CUX1: variants seen among roughly 807,000 people sequenced by gnomAD.
The protein encoded by CUX1 is protein CASP.
Under a neutral mutation model 158.8 loss-of-function variants are expected in CUX1, and 31 were observed. The ratio of observed to expected loss-of-function variants is 0.20; its 90% CI spans 0.15 to 0.26. CUX1 has a LOEUF of 0.26. Ranked by LOEUF, CUX1 falls within the 10% of genes least tolerant of loss-of-function variation. The probability of loss-of-function intolerance (pLI) is 1.00; values close to 1 mark genes in which losing one functional copy is unlikely to be tolerated. For missense variants in CUX1, 1,589 were observed against 2,014.6 expected, an observed-to-expected ratio of 0.79 and a Z score of 4.04; for synonymous variants, 879 against 862.1, an observed-to-expected ratio of 1.02 and a Z score of -0.34.
chr7:102,170,603 CGA>C (rs1791604268), intron 10 of CUX1, 53 bp downstream of exon 10: 3 of 1,218,988 alleles, frequency 2.5e-6, no homozygotes, highest in Non-Finnish European at 3.5e-6. Context: ...TCCGCACCTT[CGA>C]GTTACAGCCG....
intron 2 of CUX1, among the ~76,000 whole-genome samples, chr7:101,978,503 CCCA>C (rs964962901): frequency 6.6e-6 from 1 of 152,268 alleles, no homozygotes; most frequent in Non-Finnish European, 1.5e-5. Context: ...TCATGGCCAC[CCCA>C]CCACCACTTC....
rs538905406 is a variant in CUX1, at chr7:102,191,884, C to A, written c.1077-1958C>A. Among the ~76,000 whole-genome samples the A allele has an allele frequency of 3.3e-5, 5 of 152,110 alleles. No homozygotes were observed. In the East Asian group the frequency reaches 9.7e-4, roughly 29 times the overall value. ...CCAGGCTCCAGCCTGCAACACATAC[C>A]GTTCTACTCCCTCTCATCCACAGCC... On this transcript the variant is annotated intron_variant, in intron 12 of 23. Transcript: ENST00000292535.
intron 21 of CUX1, among the ~76,000 whole-genome samples, chr7:102,231,714 CTTT>C (rs1262074153): frequency 2.9e-5 from 4 of 138,812 alleles, no homozygotes; most frequent in Admixed American, 1.5e-4. Flanking sequence ...AAAATTTTCT[CTTT>C]TTTTTTTTTT....
At chr7:102,097,302 C>A (rs1554484510) in intron 4 of CUX1, 62 bp from the exon 5 acceptor site, 2 of 1,547,198 alleles carry the variant, frequency 1.3e-6, no homozygotes, top group Non-Finnish European at 1.7e-6. Context: ...AGCCTGTGTA[C>A]CGCCGTGGAG....
chr7:102,251,765 A>G lies in CUX1; in HGVS notation c.*2723A>G, dbSNP rs868968172. The G allele has an allele frequency of 1.0e-5, 10 of 985,298 alleles. No homozygotes were observed. The highest frequency in any genetic ancestry group is 4.7e-5 in the South Asian group (1 of 21,292). 61.0% of individuals were successfully genotyped at this position (985,298 alleles called of 1,614,324 possible). On this transcript the variant is annotated 3_prime_UTR_variant, in exon 24 of 24. Coordinates refer to ENST00000292535, the MANE Select transcript of CUX1 (RefSeq NM_181552.4). ...CATCATGTGTGATGAATCTTTAAATATCGTCTAATTTTCATAAGAATGAAA... is the reference window on the plus strand; with the variant it reads ...CATCATGTGTGATGAATCTTTAAATGTCGTCTAATTTTCATAAGAATGAAA...
intron 22 of CUX1, among the ~76,000 whole-genome samples, chr7:102,237,989 T>C (rs1799764523): frequency 6.6e-6 from 1 of 152,108 alleles, no homozygotes; most frequent in Non-Finnish European, 1.5e-5. Context: ...ATTAGAGACT[T>C]TTAGTACTTT....
At chr7:102,047,839 G>A (rs758089816) in intron 3 of CUX1, among the ~76,000 whole-genome samples, 5 of 152,100 alleles carry the variant, frequency 3.3e-5, no homozygotes, top group Admixed American at 6.6e-5. Flanking sequence ...TAATGCAGTC[G>A]TTCTTTAAAT....
At chr7:101,930,782 C>T (rs2129116687) in intron 2 of CUX1, among the ~76,000 whole-genome samples, 1 of 152,298 alleles carries the variant, frequency 6.6e-6, no homozygotes, top group Non-Finnish European at 1.5e-5. Context: ...GCCATGACCT[C>T]TCTGTTGTTC....
At chr7:101,914,959 T>A (rs1416439178) in intron 1 of CUX1, among the ~76,000 whole-genome samples, 1 of 151,934 alleles carries the variant, frequency 6.6e-6, no homozygotes, top group Non-Finnish European at 1.5e-5. Flanking sequence ...GTGAGCTGGG[T>A]GGTGGGGGGT....
At chr7:102,173,961 G>C (rs1554511112) in intron 10 of CUX1, among the ~76,000 whole-genome samples, 1 of 152,144 alleles carries the variant, frequency 6.6e-6, no homozygotes, top group Non-Finnish European at 1.5e-5. Flanking sequence ...TTGGCTGGCA[G>C]AATGCAGCAG....
intron 18 of CUX1, among the ~76,000 whole-genome samples, 197 bp downstream of exon 18, chr7:102,202,401 G>A (rs1255890235): frequency 2.6e-5 from 4 of 152,182 alleles, no homozygotes; most frequent in African/African-American, 7.2e-5. Flanking sequence ...AGCCCCGACT[G>A]CAGCCAGGTT....
intron 21 of CUX1, among the ~76,000 whole-genome samples, chr7:102,229,609 GC>G (rs1554529948): frequency 2.1e-4 from 26 of 122,760 alleles, no homozygotes; most frequent in Non-Finnish European, 6.7e-5. Flanking sequence ...ACCGTGTCTG[GC>G]CTTTTTTTTT....
intron 2 of CUX1, among the ~76,000 whole-genome samples, chr7:101,950,923 C>T (rs574940310): frequency 1.1e-4 from 16 of 152,300 alleles, no homozygotes; most frequent in Non-Finnish European, 2.1e-4. Context: ...TCTTAGTTAC[C>T]ATAGCAACTG....
At chr7:102,262,119 A>T (rs1441689609), downstream of CUX1, among the ~76,000 whole-genome samples, 2 of 151,958 alleles carry the variant, frequency 1.3e-5, no homozygotes, top group Admixed American at 1.3e-4. Flanking sequence ...CTCCAGTTGA[A>T]AAAATAAGAG....
At chr7:102,265,653 A>G (rs967388928) in intron 14 of CUX1, among the ~76,000 whole-genome samples, 6 of 151,914 alleles carry the variant, frequency 3.9e-5, no homozygotes, top group Non-Finnish European at 8.8e-5. Context: ...GGCTGGTCTC[A>G]AACTCCTGGA....
rs1390463752 is a variant in CUX1, at chr7:102,257,785, T to A, written c.*8743T>A. The A allele has an allele frequency of 1.3e-5, 13 of 984,864 alleles. No individual in the cohort carries two copies. Among genetic ancestry groups the A allele is most frequent in the Non-Finnish European group, 1.6e-5 (13 of 829,870 alleles). The allele number at this position is 984,864 out of a possible 1,614,324, so 61.0% of individuals were successfully genotyped here. On this transcript the variant is annotated 3_prime_UTR_variant, in exon 24 of 24. Transcript: ENST00000292535. ...TTTATATTTTCTGTAACGCACCAAG[T>A]CTTAGATCTTTCTAGAGCTTGTTTG...
intron 9 of CUX1, among the ~76,000 whole-genome samples, chr7:102,169,210 G>A (rs1019629796): frequency 1.6e-4 from 24 of 152,042 alleles, no homozygotes; most frequent in Non-Finnish European, 1.0e-4. Context: ...TGGGATTATA[G>A]GCGTGAGCCA....
intron 2 of CUX1, among the ~76,000 whole-genome samples, chr7:101,973,314 T>G (rs1812212885): frequency 6.6e-6 from 1 of 152,066 alleles, no homozygotes. Context: ...GCAGCTGGAC[T>G]CATCTCACAC....
intron 1 of CUX1, among the ~76,000 whole-genome samples, chr7:101,886,345 C>T (rs972066654): frequency 5.1e-4 from 77 of 152,220 alleles, no homozygotes; most frequent in African/African-American, 1.8e-3. Context: ...AGGTGTGCGC[C>T]GCCATGCCCA....
Sources: allele counts gnomAD v4.1 joint callset (sites outside exome capture counted in the v4.1 genomes callset), GRCh38; gene constraint gnomAD v4.1.1; transcripts MANE v1.5; gene names NCBI Gene and HGNC (gene_info 2026-07-23, HGNC 2026-07-21).